Variants in UCK2 observed in about 807,000 individuals in gnomAD.
UCK2 encodes the protein cytidine monophosphokinase 2.
Under a neutral mutation model 30.8 loss-of-function variants are expected in UCK2, and 6 were observed. That is an observed-to-expected ratio of 0.19 (90% CI 0.11 to 0.38). UCK2 has a LOEUF of 0.38. Ranked by LOEUF, UCK2 falls within the 10% of genes least tolerant of loss-of-function variation. The pLI is 1.00. For missense variants in UCK2, 210 were observed against 339.8 expected (o/e 0.62, Z 3.00); for synonymous variants, 125 against 133.6 (o/e 0.94, Z 0.45).
chr1:165,858,436 CT>C (rs1300870660), intron 1 of UCK2, among the ~76,000 whole-genome samples: 1 of 152,174 alleles, frequency 6.6e-6, no homozygotes, highest in Non-Finnish European at 1.5e-5. Context: ...CCTTGGGAGC[CT>C]TGCCTACATT....
intron 4 of UCK2, among the ~76,000 whole-genome samples, chr1:165,899,664 C>T (rs1436175501): frequency 6.6e-6 from 1 of 152,226 alleles, no homozygotes; most frequent in Non-Finnish European, 1.5e-5. Flanking sequence ...AAGGCCTGTC[C>T]TGGCCCAGCA....
At chr1:165,889,460 C>T (rs1183651335) in intron 1 of UCK2, among the ~76,000 whole-genome samples, 1 of 152,092 alleles carries the variant, frequency 6.6e-6, no homozygotes, top group Non-Finnish European at 1.5e-5. Context: ...CCTTTTTTGT[C>T]TGTCTATACC....
rs941986446 is a variant in UCK2 at position 165,910,345 on chromosome 1, A to G, written c.*2522A>G. On this transcript the variant is annotated 3_prime_UTR_variant, in exon 7 of 7. Coordinates refer to ENST00000367879, the MANE Select transcript of UCK2 (RefSeq NM_012474.5). ...GAATTAGTGGACCAGAAACCATGAC[A>G]TTTGCCATCTAGGTACTCTGCTGTT... 6.6e-6 allele frequency: 1 copy of G among 152,168 alleles called. No individual in the cohort carries two copies. The highest frequency in any genetic ancestry group is 1.5e-5 in the Non-Finnish European group (1 of 68,072). 9.4% of individuals were successfully genotyped at this position (152,168 alleles called of 1,614,324 possible).
chr1:165,869,212 AATAAAAT>A (rs1391995685), intron 1 of UCK2, among the ~76,000 whole-genome samples: 1 of 152,204 alleles, frequency 6.6e-6, no homozygotes, highest in Non-Finnish European at 1.5e-5. Flanking sequence ...CATAACATAT[AATAAAAT>A]AATGAAAATG....
In UCK2 at chr1:165,907,581, T is replaced by G. The variant is rs1222277487; in HGVS notation, c.647-103T>G. On this transcript the variant is annotated intron_variant, in intron 6 of 6. Transcript: ENST00000367879. The stretch of plus-strand genomic sequence containing the variant: ...TGGCAGAGCCACTTCCCTGGAAGTC[T>G]TTCTACTGTGGTTCCTGCATGCCCT... 2.0e-6 allele frequency: 3 copies of G among 1,482,146 alleles called. No homozygotes were observed. In the African/African-American group the frequency reaches 4.2e-5, roughly 21 times the overall value. 91.8% of individuals were successfully genotyped at this position (1,482,146 alleles called of 1,614,324 possible). A position where few individuals can be genotyped will look rare whatever the true frequency, so the allele number is the denominator to read the frequency against.
chr1:165,857,376 A>G (rs1654773875), intron 1 of UCK2, among the ~76,000 whole-genome samples: 1 of 152,232 alleles, frequency 6.6e-6, no homozygotes, highest in Non-Finnish European at 1.5e-5. Context: ...TGGCATTGCA[A>G]AGATGAGTAA....
At chr1:165,863,983 T>G (rs1654984330) in intron 1 of UCK2, among the ~76,000 whole-genome samples, 1 of 149,302 alleles carries the variant, frequency 6.7e-6, no homozygotes, top group South Asian at 2.1e-4. Flanking sequence ...TTTTCCTTCT[T>G]TTCTTTTAAG....
At chr1:165,892,780 A>G (rs1216587720) in intron 3 of UCK2, 3 of 152,388 alleles carry the variant, frequency 2.0e-5, no homozygotes, top group Non-Finnish European at 4.4e-5. Flanking sequence ...AGCAGGTTGT[A>G]TGGAGGAGGT....
chr1:165,862,728 G>C (rs1035321937), intron 1 of UCK2, among the ~76,000 whole-genome samples: 4 of 152,104 alleles, frequency 2.6e-5, no homozygotes, highest in African/African-American at 9.7e-5. Context: ...TTGTTGCCGA[G>C]GGACCTTTAC....
At chr1:165,852,826 C>T (rs1654631258) in intron 1 of UCK2, among the ~76,000 whole-genome samples, 1 of 152,094 alleles carries the variant, frequency 6.6e-6, no homozygotes. Context: ...ACAAACGGTG[C>T]AGGGAAATAG....
At chr1:165,895,683 C>T in intron 3 of UCK2, 2 of 981,392 alleles carry the variant, frequency 2.0e-6, no homozygotes, top group Non-Finnish European at 2.4e-6. Context: ...ATTTTCCCTC[C>T]TTCCCTTCCC....
chr1:165,893,821 C>T (rs1276410650), intron 3 of UCK2, among the ~76,000 whole-genome samples: 1 of 152,190 alleles, frequency 6.6e-6, no homozygotes, highest in Non-Finnish European at 1.5e-5. Context: ...ATGATTAATT[C>T]TAACTTCTTA....
intron 1 of UCK2, among the ~76,000 whole-genome samples, chr1:165,884,778 A>G (rs1250311668): frequency 6.6e-6 from 1 of 152,232 alleles, no homozygotes; most frequent in Non-Finnish European, 1.5e-5. Flanking sequence ...GTAGCAATAC[A>G]GGAACCTATG....
chr1:165,856,906 T>TG (rs979694840), intron 1 of UCK2, among the ~76,000 whole-genome samples: 113 of 149,406 alleles, frequency 7.6e-4, no homozygotes, highest in South Asian at 4.9e-3. Flanking sequence ...CCAGGGTTTT[T>TG]TTTTTTTTTT....
chr1:165,896,106 C>A, intron 3 of UCK2, 84 bp from the exon 4 acceptor site: 3 of 1,561,156 alleles, frequency 1.9e-6, no homozygotes, highest in East Asian at 2.2e-5. Flanking sequence ...CAGAACCCAG[C>A]CCAGCCAGAT....
Position 165,911,353 on chromosome 1 carries a change from T to A in UCK2, c.*3530T>A, listed in dbSNP as rs1273537911. On this transcript the variant is annotated 3_prime_UTR_variant, in exon 7 of 7. Transcript: ENST00000367879. ...CAGAGCTCAGTCCCCTTTAATCTTT[T>A]GTCTCTGGGCGTTCTGCTGCCTTCC... The A allele has an allele frequency of 6.6e-6, 1 of 152,192 alleles. No individual in the cohort carries two copies. Among genetic ancestry groups the A allele is most frequent in the East Asian group, 1.9e-4 (1 of 5,192 alleles). The allele number at this position is 152,192 out of a possible 1,614,324, so 9.4% of individuals were successfully genotyped here.
chr1:165,831,583 A>T (rs1286236944), intron 1 of UCK2, among the ~76,000 whole-genome samples: 1 of 152,182 alleles, frequency 6.6e-6, no homozygotes. Context: ...AGCCTCTGAA[A>T]CGAGAAAAAT....
At chr1:165,884,716 G>A (rs561291126) in intron 1 of UCK2, among the ~76,000 whole-genome samples, 1 of 152,332 alleles carries the variant, frequency 6.6e-6, no homozygotes, top group East Asian at 1.9e-4. Context: ...TTGTGTTTAG[G>A]CTGTCAGAGC....
At chr1:165,886,578 C>T (rs76223860) in intron 1 of UCK2, among the ~76,000 whole-genome samples, 2,033 of 152,292 alleles carry the variant, frequency 0.013, 53 homozygotes, top group African/African-American at 0.046. Flanking sequence ...TATAGGTGCA[C>T]GCCACTGTGC....
Sources: gnomAD v4.1 joint callset for allele counts (sites outside exome capture counted in the v4.1 genomes callset) on GRCh38, gnomAD v4.1.1 for gene constraint, MANE v1.5 for transcripts, NCBI Gene and HGNC (gene_info 2026-07-23, HGNC 2026-07-21) for gene names.